Variants in LINS1 observed in about 807,000 individuals in gnomAD.
The protein encoded by LINS1 is protein Lines homolog 1.
In LINS1, 27 loss-of-function variants were observed where a neutral mutation model predicts 41.6. The observed-to-expected ratio is 0.65, with a 90% CI of 0.48 to 0.89. LINS1 has a LOEUF of 0.89. LINS1 is among the 40% of genes least tolerant of loss of function. The pLI, the probability that LINS1 is intolerant of heterozygous loss-of-function variation, is 0.00. For missense variants in LINS1, 955 were observed against 884.1 expected (o/e 1.08, Z -1.02); for synonymous variants, 336 against 312.9 (o/e 1.07, Z -0.78).
intron 1 of LINS1, among the ~76,000 whole-genome samples, chr15:100,598,112 T>C (rs2039327334): frequency 1.3e-5 from 2 of 152,344 alleles, no homozygotes; most frequent in South Asian, 2.1e-4. Context: ...GGTGATACTG[T>C]CTTCCAGCTC....
intron 6 of LINS1, among the ~76,000 whole-genome samples, chr15:100,571,643 G>C (rs1168066210): frequency 6.6e-6 from 1 of 152,180 alleles, no homozygotes; most frequent in Non-Finnish European, 1.5e-5. Context: ...ACTTACTGGA[G>C]ACCAAATCAG....
At chr15:100,590,253 T>C (rs1236297462) in intron 1 of LINS1, among the ~76,000 whole-genome samples, 1 of 152,090 alleles carries the variant, frequency 6.6e-6, no homozygotes, top group African/African-American at 2.4e-5. Context: ...AAAGGGGGTC[T>C]GTTGTATGCA....
rs750509291 is a variant in LINS1, at chr15:100,580,846, G to C, written c.-4C>G. The C allele has an allele frequency of 6.2e-7, 1 of 1,609,854 alleles. No individual in the cohort carries two copies. The highest frequency in any genetic ancestry group is 1.3e-5 in the African/African-American group (1 of 74,824). ...AAACTTCACAGAAAACTTTCATTTT[G>C]ACTTCCAAAATGTATCTTATAAGAA... On this transcript the variant is annotated 5_prime_UTR_variant, in exon 2 of 7. Transcript: ENST00000314742.
At chr15:100,580,152 A>G in intron 3 of LINS1, 111 bp downstream of exon 3, 1 of 840,388 alleles carries the variant, frequency 1.2e-6, no homozygotes, top group Non-Finnish European at 1.9e-6. Flanking sequence ...TTGAGCCCAG[A>G]AGTTTGAGAT....
intron 5 of LINS1, chr15:100,572,348 T>C: frequency 8.3e-7 from 1 of 1,204,080 alleles, no homozygotes; most frequent in African/African-American, 1.6e-5. Context: ...GAAATAAAAG[T>C]TATGTGATTT....
chr15:100,590,112 C>T (rs1453536802), intron 1 of LINS1, among the ~76,000 whole-genome samples: 8 of 152,124 alleles, frequency 5.3e-5, no homozygotes, highest in Non-Finnish European at 1.0e-4. Context: ...CCAAGGAAGT[C>T]GCTCCCCAGA....
chr15:100,600,045 G>A (rs2039412963), intron 1 of LINS1, among the ~76,000 whole-genome samples: 2 of 152,106 alleles, frequency 1.3e-5, no homozygotes, highest in Admixed American at 6.5e-5. Flanking sequence ...CAGCCTGGGC[G>A]ACAGAGGGAG....
Position 100,580,680 on chromosome 15 carries a change from T to C in LINS1, c.163A>G (p.Ile55Val). Residue 55 changes from isoleucine (I) to valine (V), a missense_variant, in exon 2 of 7, where the codon ATC (isoleucine) becomes GTC (valine). By Grantham distance (29) the Ile-to-Val change is conservative. Coordinates refer to ENST00000314742, the MANE Select transcript of LINS1 (RefSeq NM_001040616.3). ...TSLEWANTCG[I>V]QGRHQPISVG... Reference sequence around the variant, plus strand: ...GAGATGGGCTGATGCCTGCCCTGGATACCACAGGTGTTTGCCCATTCTAAG... The same window carrying C: ...GAGATGGGCTGATGCCTGCCCTGGACACCACAGGTGTTTGCCCATTCTAAG... 1.2e-6 allele frequency: 2 copies of C among 1,613,930 alleles called. No individual in the cohort carries two copies. Among genetic ancestry groups the C allele is most frequent in the Non-Finnish European group, 1.7e-6 (2 of 1,179,928 alleles).
Position 100,567,573 on chromosome 15 carries a change from A to G in LINS1, c.*1665T>C, listed in dbSNP as rs1366044242. 1 of 152,220 alleles carries G rather than the reference A, an allele frequency of 6.6e-6. No individual in the cohort carries two copies. The highest frequency in any genetic ancestry group is 1.9e-4 in the East Asian group (1 of 5,198). The allele number at this position is 152,220 out of a possible 1,614,324, so 9.4% of individuals were successfully genotyped here. On this transcript the variant is annotated 3_prime_UTR_variant, in exon 7 of 7. Coordinates refer to ENST00000314742, the MANE Select transcript of LINS1 (RefSeq NM_001040616.3). The stretch of plus-strand genomic sequence containing the variant: ...TTTACTGGAGATGTTTCACATCCAC[A>G]AACGTGCATAGAACGCATCTACCAT...
In LINS1 at chr15:100,580,476, G is replaced by C. The variant is rs749200019; in HGVS notation, c.367C>G (p.Leu123Val). Residue 123 changes from leucine (L) to valine (V), a missense_variant, in exon 2 of 7, where the codon CTC becomes GTC. Physicochemically the swap from Leu to Val is conservative, Grantham distance 32 (BLOSUM62 1). Transcript: ENST00000314742. ...GAATCGACTTTGGCTGATTCTAAGA[G>C]AATTTTAATTACATCTCTGTACTGC... Reference protein sequence around the residue: ...KEQYRDVIKILLESAKVDSKL... With the variant: ...KEQYRDVIKIVLESAKVDSKL... 6.2e-7 allele frequency: 1 copy of C among 1,613,974 alleles called. No individual in the cohort carries two copies. Among genetic ancestry groups the C allele is most frequent in the Non-Finnish European group, 8.5e-7 (1 of 1,179,916 alleles).
At position 100,580,852 on chromosome 15, in the gene LINS1, C is replaced by T. The variant is rs1384876143; in HGVS notation, c.-10G>A. ...CACAGAAAACTTTCATTTTGACTTC[C>T]AAAATGTATCTTATAAGAAGGTCGA... On this transcript the variant is annotated 5_prime_UTR_variant, in exon 2 of 7. Transcript: ENST00000314742. 1 of 1,608,148 alleles carries T rather than the reference C, an allele frequency of 6.2e-7. No individual in the cohort carries two copies. Among genetic ancestry groups the T allele is most frequent in the Non-Finnish European group, 8.5e-7 (1 of 1,176,654 alleles).
intron 1 of LINS1, among the ~76,000 whole-genome samples, chr15:100,583,035 G>A (rs980326248): frequency 4.0e-5 from 6 of 150,938 alleles, no homozygotes; most frequent in East Asian, 2.0e-4. Context: ...TCTACACTAC[G>A]GCCCACCAGC....
chr15:100,569,688 C>T lies in LINS1; in HGVS notation c.1824G>A (p.Gly608=), dbSNP rs6598356. 1 of 1,613,330 alleles carries T rather than the reference C, an allele frequency of 6.2e-7. No individual in the cohort carries two copies. The highest frequency in any genetic ancestry group is 1.1e-5 in the South Asian group (1 of 91,030). Residue 608 remains glycine, a synonymous_variant, in exon 7 of 7, where the codon GGG becomes GGA. Transcript: ENST00000314742. ...GACTAGAAGCACACATGGTGTGAGC[C>T]CCCTTGGACATCACAGCTTTCAGTG... ...SEPLKAVMSK[G]AHTMCASSLS...
chr15:100,572,200 A>T, intron 5 of LINS1, 135 bp from the exon 6 acceptor site: 1 of 1,504,860 alleles, frequency 6.6e-7, no homozygotes, highest in Admixed American at 2.1e-5. Context: ...AGTCATCAGG[A>T]ATCAGTTAGG....
At chr15:100,586,676 T>C (rs925030555) in intron 1 of LINS1, among the ~76,000 whole-genome samples, 3 of 152,168 alleles carry the variant, frequency 2.0e-5, no homozygotes, top group Admixed American at 6.5e-5. Context: ...TATCTAAAAG[T>C]TAGTTCAGAT....
intron 3 of LINS1, among the ~76,000 whole-genome samples, chr15:100,576,299 G>C (rs2038173242): frequency 6.6e-6 from 1 of 152,138 alleles, no homozygotes; most frequent in Admixed American, 6.5e-5. Flanking sequence ...AAGAAGAAAA[G>C]AGAGAAGAAT....
At chr15:100,575,532 T>G (rs1220673410) in intron 3 of LINS1, among the ~76,000 whole-genome samples, 1 of 152,096 alleles carries the variant, frequency 6.6e-6, no homozygotes, top group Non-Finnish European at 1.5e-5. Flanking sequence ...AGCAACTCCT[T>G]AGAGACCTAC....
rs1355214607 is a variant in LINS1 at position 100,567,987 on chromosome 15, T to C, written c.*1251A>G. On this transcript the variant is annotated 3_prime_UTR_variant, in exon 7 of 7. Coordinates refer to ENST00000314742, the MANE Select transcript of LINS1 (RefSeq NM_001040616.3). ...CTGCAAAGAGATCATTAAAAAAAAA[T>C]GTACAGGCAATATTTTAGACTGCCT... The C allele has an allele frequency of 6.8e-6, 1 of 147,172 alleles. No homozygotes were observed. The highest frequency in any genetic ancestry group is 1.5e-5 in the Non-Finnish European group (1 of 65,754). The allele number at this position is 147,172 out of a possible 1,614,324, so 9.1% of individuals were successfully genotyped here. A position where few individuals can be genotyped will look rare whatever the true frequency, so the allele number is the denominator to read the frequency against.
At position 100,574,012 on chromosome 15, in the gene LINS1, A is replaced by G. The variant is rs1289443042; in HGVS notation, c.861T>C (p.Ile287=). 6 of 1,614,196 alleles carry G rather than the reference A, an allele frequency of 3.7e-6. No homozygotes were observed. Among genetic ancestry groups the G allele is most frequent in the Admixed American group, 1.7e-5 (1 of 60,034 alleles). ...TAACAAAAGCCTGAATAGGCCAGGTAATAACTTCTAGCATGCAAGATGGTT... is the reference window on the plus strand; with the variant it reads ...TAACAAAAGCCTGAATAGGCCAGGTGATAACTTCTAGCATGCAAGATGGTT... ...FLKPSCMLEV[I]TWPIQAFVKR... is the part of the protein sequence containing the mutation. The change falls in exon 5 of 7, where the codon ATT becomes ATC. Residue 287 remains isoleucine (I), a synonymous_variant. Coordinates refer to ENST00000314742, the MANE Select transcript of LINS1 (RefSeq NM_001040616.3).
Sources: allele counts gnomAD v4.1 joint callset (sites outside exome capture counted in the v4.1 genomes callset), GRCh38; gene constraint gnomAD v4.1.1; transcripts MANE v1.5; gene names NCBI Gene and HGNC (gene_info 2026-07-23, HGNC 2026-07-21).